The following AFDN variants were observed in gnomAD, a reference collection of about 807,000 sequenced individuals.
AFDN encodes afadin.
AFDN carries 68 observed loss-of-function variants against 216.6 expected under a neutral mutation model. That is an observed-to-expected ratio of 0.31 (90% confidence interval 0.26 to 0.38). AFDN has a LOEUF of 0.38. AFDN is among the 10% of genes least tolerant of loss of function. The pLI is 1.00. For missense variants in AFDN, 2,136 were observed against 2,342.0 expected (o/e 0.91, Z 1.82); for synonymous variants, 868 against 853.7 (o/e 1.02, Z -0.29).
chr6:167,969,786 G>T lies in AFDN; in HGVS notation c.5347G>T (p.Asp1783Tyr). ...TGATATTGCCCTCTTCTGCAGCCAAGATGCAGATTCACCTGGAAGTTCTGG... is the reference window on the plus strand; with the variant it reads ...TGATATTGCCCTCTTCTGCAGCCAATATGCAGATTCACCTGGAAGTTCTGG... ...DAKEKRSKSQ[D>Y]ADSPGSSGAP... is the part of the protein sequence containing the mutation. Residue 1783 changes from aspartate to tyrosine, a missense_variant, in exon 34 of 34, where the codon GAT (aspartate) becomes TAT (tyrosine). Transcript: ENST00000683244. 1.2e-6 allele frequency: 2 copies of T among 1,606,946 alleles called. No homozygotes were observed. The highest frequency in any genetic ancestry group is 2.2e-5 in the South Asian group (2 of 88,926).
In AFDN at chr6:167,872,241, C is replaced by G. The variant is rs773684249; in HGVS notation, c.442C>G (p.Gln148Glu). The change falls in exon 4 of 34, where the codon CAG (glutamine) becomes GAG (glutamate). Residue 148 changes from glutamine to glutamate, a missense_variant. By Grantham distance (29) the Gln-to-Glu change is conservative (BLOSUM62 2). This residue lies in a region of AFDN where 817 missense variants were observed against 965.7 expected (regional missense o/e 0.85). Coordinates refer to ENST00000683244, the MANE Select transcript of AFDN (RefSeq NM_001386888.1). ...KKAQSNGPEK[Q>E]EKEGVIQNFK... ...GGCTCAAAGTAATGGACCTGAAAAG[C>G]AGGAAAAAGAAGGGGTTATCCAGAA... The G allele has an allele frequency of 1.9e-6, 3 of 1,611,408 alleles. No individual in the cohort carries two copies. In the South Asian group the frequency reaches 3.3e-5, roughly 18 times the overall value.
chr6:167,954,639 G>A (rs1796321080), intron 30 of AFDN: 1 of 529,056 alleles, frequency 1.9e-6, no homozygotes, highest in Non-Finnish European at 3.2e-6. Flanking sequence ...CACTTTAGAA[G>A]CATGCCTTTG....
Position 167,951,781 on chromosome 6 carries a change from C to T in AFDN, c.4427C>T (p.Thr1476Ile). The T allele has an allele frequency of 6.2e-7, 1 of 1,614,160 alleles. No individual in the cohort carries two copies. The highest frequency in any genetic ancestry group is 8.5e-7 in the Non-Finnish European group (1 of 1,180,034). Reference sequence around the variant, plus strand: ...CAGATGAAGCCCGAAAAGCCTTCCACACTCCAGCGGCCACAGGAAACAGTC... The same window carrying T: ...CAGATGAAGCCCGAAAAGCCTTCCATACTCCAGCGGCCACAGGAAACAGTC... Reference protein sequence around the residue: ...AQQMKPEKPSTLQRPQETVIR... With the variant: ...AQQMKPEKPSILQRPQETVIR... Residue 1476 changes from threonine to isoleucine, a missense_variant, in exon 30 of 34, where the codon ACA (threonine) becomes ATA (isoleucine). Physicochemically the swap from Thr to Ile is moderately conservative, Grantham distance 89. Around this residue, in one of 8 missense-constraint regions of AFDN, gnomAD observed 981 missense variants for 966.0 expected, o/e 1.02. Transcript: ENST00000683244. This position sits in a 1 kb window ranked among gnomAD's most constrained non-coding sequence, Gnocchi z 7.1.
intron 27 of AFDN, among the ~76,000 whole-genome samples, chr6:167,947,559 C>T (rs1385149292): frequency 1.3e-5 from 2 of 152,170 alleles, no homozygotes; most frequent in African/African-American, 4.8e-5. Flanking sequence ...GACAAAGGCT[C>T]ACAAAGCCTA....
chr6:167,900,165 C>T (rs1421732130), intron 11 of AFDN, among the ~76,000 whole-genome samples: 1 of 152,182 alleles, frequency 6.6e-6, no homozygotes, highest in Admixed American at 6.5e-5. Flanking sequence ...GGCGGCTGAA[C>T]ATACCATCCA....
Position 167,880,509 on chromosome 6 carries a change from A to G in AFDN, c.889A>G (p.Ile297Val), listed in dbSNP as rs1052302004. The stretch of plus-strand genomic sequence containing the variant: ...AAAAGAAAACCCTAAGGATTACTGC[A>G]TCGCCCGGGTAAGGAACTTTATCAA... ...LEKENPKDYC[I>V]ARVMLPPGAQ... The change falls in exon 6 of 34, where the codon ATC becomes GTC. Residue 297 changes from isoleucine to valine, a missense_variant. This residue lies in a region of AFDN where 817 missense variants were observed against 965.7 expected (regional missense o/e 0.85). Transcript: ENST00000683244. 1 of 1,613,420 alleles carries G rather than the reference A, an allele frequency of 6.2e-7. No homozygotes were observed.
chr6:167,924,128 A>T (rs1455157912), intron 22 of AFDN, among the ~76,000 whole-genome samples: 1 of 152,110 alleles, frequency 6.6e-6, no homozygotes, highest in Non-Finnish European at 1.5e-5. Context: ...AATGTCAACT[A>T]ATTTTATTTT....
intron 30 of AFDN, among the ~76,000 whole-genome samples, chr6:167,955,275 C>T (rs1391284865): frequency 7.0e-6 from 1 of 143,128 alleles, no homozygotes; most frequent in Non-Finnish European, 1.5e-5. Flanking sequence ...GGCCTTTTCA[C>T]CAAATAATAG....
Position 167,951,162 on chromosome 6 carries a change from T to C in AFDN, c.3832-24T>C, listed in dbSNP as rs1187782839. On this transcript the variant is annotated intron_variant, in intron 29 of 33. Transcript: ENST00000683244. The surrounding 1 kb of genome is among the most constrained non-coding windows in gnomAD (Gnocchi z 7.1). The stretch of plus-strand genomic sequence containing the variant: ...TAATTTCTAGTAAATGGCTGAAATA[T>C]AATAATTCTTTTTCTTTTTGCAGCG... 3 of 1,517,454 alleles carry C rather than the reference T, an allele frequency of 2.0e-6. No individual in the cohort carries two copies. Among genetic ancestry groups the C allele is most frequent in the African/African-American group, 1.4e-5 (1 of 71,750 alleles). The allele number at this position is 1,517,454 out of a possible 1,614,324, so 94.0% of individuals were successfully genotyped here.
intron 2 of AFDN, among the ~76,000 whole-genome samples, chr6:167,866,228 T>C (rs1246354785): frequency 6.6e-6 from 1 of 152,208 alleles, no homozygotes; most frequent in Non-Finnish European, 1.5e-5. Context: ...GAATTTGATT[T>C]TTTAAAGAAA....
At chr6:167,851,637 A>G (rs1403029321) in intron 1 of AFDN, among the ~76,000 whole-genome samples, 3 of 152,232 alleles carry the variant, frequency 2.0e-5, no homozygotes, top group African/African-American at 7.2e-5. Flanking sequence ...CCTCCACTTT[A>G]TAGACAGGGA....
At chr6:167,858,235 C>T (rs185936969) in intron 1 of AFDN, among the ~76,000 whole-genome samples, 1 of 152,270 alleles carries the variant, frequency 6.6e-6, no homozygotes, top group East Asian at 1.9e-4. Flanking sequence ...TTATGGCTTA[C>T]AAATGTGTAG....
At chr6:167,832,831 G>A (rs1402832695) in intron 1 of AFDN, among the ~76,000 whole-genome samples, 4 of 152,168 alleles carry the variant, frequency 2.6e-5, no homozygotes, top group Admixed American at 2.0e-4. Flanking sequence ...TGTCAACCTT[G>A]GTTGCACATG....
chr6:167,858,722 T>G (rs1783184998), intron 1 of AFDN, among the ~76,000 whole-genome samples: 1 of 152,188 alleles, frequency 6.6e-6, no homozygotes. Context: ...TTTCTAGAAT[T>G]GGATTGTGTT....
chr6:167,916,022 A>G (rs1180819248), intron 19 of AFDN, among the ~76,000 whole-genome samples: 1 of 152,236 alleles, frequency 6.6e-6, no homozygotes, highest in African/African-American at 2.4e-5. Context: ...GAGTGGCTTA[A>G]CAGTTGCTCC....
intron 27 of AFDN, 26 bp from the exon 28 acceptor site, chr6:167,947,824 CTTT>C: frequency 7.1e-7 from 1 of 1,406,210 alleles, no homozygotes; most frequent in South Asian, 1.2e-5. Flanking sequence ...TAATATTACA[CTTT>C]TTTTTTTCCC....
intron 30 of AFDN, among the ~76,000 whole-genome samples, chr6:167,957,065 T>C (rs1796592874): frequency 6.6e-6 from 1 of 152,198 alleles, no homozygotes; most frequent in African/African-American, 2.4e-5. Flanking sequence ...GCCTGCCTTC[T>C]AGTGACCCTC....
At chr6:167,847,941 A>G (rs965987297) in intron 1 of AFDN, among the ~76,000 whole-genome samples, 1 of 152,152 alleles carries the variant, frequency 6.6e-6, no homozygotes, top group Admixed American at 6.5e-5. Context: ...TCATTCTGCT[A>G]TAGCCACAAG....
intron 21 of AFDN, among the ~76,000 whole-genome samples, chr6:167,922,446 C>T (rs1421920852): frequency 1.3e-5 from 2 of 152,126 alleles, no homozygotes; most frequent in Non-Finnish European, 2.9e-5. Context: ...CTGGCAGACA[C>T]CCCATGCTCG....
Sources: allele counts gnomAD v4.1 joint callset (sites outside exome capture counted in the v4.1 genomes callset), GRCh38; gene constraint gnomAD v4.1.1; regional missense constraint gnomAD v4.1.1; non-coding constraint Gnocchi (gnomAD v3.1); transcripts MANE v1.5; gene names NCBI Gene and HGNC (gene_info 2026-07-23, HGNC 2026-07-21).